MAPK9: variants seen among roughly 807,000 people sequenced by gnomAD.
MAPK9 encodes the protein mitogen-activated protein kinase 9.
MAPK9 carries 30 observed loss-of-function variants against 57.1 expected under a neutral mutation model. The observed-to-expected ratio is 0.53, with a 90% CI of 0.39 to 0.71. The LOEUF (loss-of-function observed/expected upper bound fraction) is 0.71, where lower values mean the gene tolerates loss of function less well. Ranked by LOEUF, MAPK9 falls within the 30% of genes least tolerant of loss-of-function variation. MAPK9 has a pLI of 0.00. For synonymous variants in MAPK9, 155 were observed against 177.0 expected (o/e 0.88, Z 0.99); for missense variants, 362 against 521.0 (o/e 0.69, Z 2.97).
intron 6 of MAPK9, among the ~76,000 whole-genome samples, chr5:180,248,520 A>G (rs1758346218): frequency 6.6e-6 from 1 of 152,208 alleles, no homozygotes; most frequent in Admixed American, 6.5e-5. Context: ...CCAATTTTAC[A>G]TGAAAACATG....
At chr5:180,254,336 C>A (rs1357305114) in intron 5 of MAPK9, among the ~76,000 whole-genome samples, 2 of 152,106 alleles carry the variant, frequency 1.3e-5, no homozygotes, top group Non-Finnish European at 2.9e-5. Context: ...AGGGAGGGAC[C>A]TAACACACTA....
intron 1 of MAPK9, among the ~76,000 whole-genome samples, chr5:180,285,888 C>T (rs1435198079): frequency 6.6e-6 from 1 of 151,716 alleles, no homozygotes; most frequent in African/African-American, 2.4e-5. Flanking sequence ...ACCATCCTGG[C>T]TAACATGGTG....
chr5:180,248,577 C>T (rs536136896), intron 6 of MAPK9, among the ~76,000 whole-genome samples: 30 of 152,100 alleles, frequency 2.0e-4, no homozygotes, highest in Non-Finnish European at 4.0e-4. Flanking sequence ...TGCAGACCAA[C>T]AAATAAAGCT....
intron 5 of MAPK9, among the ~76,000 whole-genome samples, chr5:180,249,519 C>T (rs1758455858): frequency 2.4e-5 from 1 of 42,340 alleles, no homozygotes; most frequent in African/African-American, 9.3e-5. Flanking sequence ...GGTCCTCATG[C>T]TGTCAGTCCA....
chr5:180,267,501 G>A (rs1330725653), intron 3 of MAPK9, among the ~76,000 whole-genome samples: 1 of 146,674 alleles, frequency 6.8e-6, no homozygotes, highest in Non-Finnish European at 1.5e-5. Context: ...GGCGGAGCTT[G>A]CAGTGAGCTG....
intron 2 of MAPK9, chr5:180,279,880 G>A (rs1487001641): frequency 1.8e-5 from 8 of 456,488 alleles, no homozygotes; most frequent in East Asian, 7.0e-5. Context: ...CGATTCTGAC[G>A]TTCTGGGCTG....
intron 5 of MAPK9, among the ~76,000 whole-genome samples, chr5:180,260,075 T>C (rs1305237213): frequency 1.3e-5 from 2 of 152,238 alleles, no homozygotes. Flanking sequence ...ATGGAACTCT[T>C]CCATTTCCCT....
At chr5:180,267,561 C>CAAA (rs34776289) in intron 3 of MAPK9, among the ~76,000 whole-genome samples, 3 of 89,852 alleles carry the variant, frequency 3.3e-5, no homozygotes, top group Non-Finnish European at 6.4e-5. Flanking sequence ...GACTCCGTCT[C>CAAA]AAAAAAAAAA....
intron 10 of MAPK9, among the ~76,000 whole-genome samples, chr5:180,238,608 C>CTTTTTTTTTTTTTTT (rs746336177): frequency 1.2e-4 from 10 of 85,168 alleles, no homozygotes; most frequent in Admixed American, 2.3e-4. Context: ...TCTTCTTCTT[C>CTTTTTTTTTTTTTTT]TTTTTTTTTT....
Position 180,236,253 on chromosome 5 carries a change from A to G in MAPK9, c.*131T>C. 2 of 1,014,954 alleles carry G rather than the reference A, an allele frequency of 2.0e-6. No individual in the cohort carries two copies. Among genetic ancestry groups the G allele is most frequent in the Non-Finnish European group, 2.7e-6 (2 of 731,976 alleles). 62.9% of individuals were successfully genotyped at this position (1,014,954 alleles called of 1,614,324 possible). ...GCAGGCAATCCTATCAGGTCTGAGT[A>G]GGGCAAGGCATTGTGTTTCTTACAT... On this transcript the variant is annotated 3_prime_UTR_variant, in exon 12 of 12. Coordinates refer to ENST00000452135, the MANE Select transcript of MAPK9 (RefSeq NM_002752.5).
chr5:180,275,482 C>A (rs989246624), intron 2 of MAPK9, among the ~76,000 whole-genome samples: 2 of 152,180 alleles, frequency 1.3e-5, no homozygotes, highest in Non-Finnish European at 2.9e-5. Flanking sequence ...ACTCTCATCC[C>A]TGTCTCCTAG....
chr5:180,267,549 G>A lies in MAPK9; in HGVS notation c.252+1731C>T, dbSNP rs183134610. 4.9e-4 allele frequency among the ~76,000 whole-genome samples: 65 copies of A among 131,768 alleles called. No individual in the cohort carries two copies. In the South Asian group the frequency reaches 7.1e-3, roughly 14 times the overall value. 86.4% of individuals were successfully genotyped at this position (131,768 alleles called of 152,430 possible). ...TGCCCTCCAGGTTGGGCGACAGAGCGAGACTCCGTCTCAAAAAAAAAAAAA... is the reference window on the plus strand; with the variant it reads ...TGCCCTCCAGGTTGGGCGACAGAGCAAGACTCCGTCTCAAAAAAAAAAAAA... On this transcript the variant is annotated intron_variant, in intron 3 of 11. Coordinates refer to ENST00000452135, the MANE Select transcript of MAPK9 (RefSeq NM_002752.5).
chr5:180,247,655 T>C lies in MAPK9; in HGVS notation c.617-145A>G, dbSNP rs1464301634. On this transcript the variant is annotated intron_variant, in intron 6 of 11. Coordinates refer to ENST00000452135, the MANE Select transcript of MAPK9 (RefSeq NM_002752.5). The surrounding 1 kb of genome is among the most constrained non-coding windows in gnomAD (Gnocchi z 4.5). Reference sequence around the variant, plus strand: ...GTGACATTTTACACAATATGAATGATTGCTGACCTCTATTTTAGCCTTCGG... The same window carrying C: ...GTGACATTTTACACAATATGAATGACTGCTGACCTCTATTTTAGCCTTCGG... 3.2e-6 allele frequency: 3 copies of C among 940,636 alleles called. No individual in the cohort carries two copies. Among genetic ancestry groups the C allele is most frequent in the African/African-American group, 3.3e-5 (2 of 61,374 alleles). 58.3% of individuals were successfully genotyped at this position (940,636 alleles called of 1,614,324 possible).
At chr5:180,289,686 T>C (rs1178852709) in intron 1 of MAPK9, among the ~76,000 whole-genome samples, 1 of 152,146 alleles carries the variant, frequency 6.6e-6, no homozygotes, top group African/African-American at 2.4e-5. Context: ...TCCCCTGGCC[T>C]TAGGCTACCT....
At chr5:180,261,091 C>T (rs1051270429) in intron 5 of MAPK9, among the ~76,000 whole-genome samples, 1 of 152,208 alleles carries the variant, frequency 6.6e-6, no homozygotes, top group African/African-American at 2.4e-5. Context: ...TACAGTCACA[C>T]TGTTATTCAA....
intron 9 of MAPK9, 93 bp from the exon 10 acceptor site, chr5:180,240,080 T>C: frequency 1.2e-6 from 1 of 859,616 alleles, no homozygotes; most frequent in South Asian, 1.4e-5. Flanking sequence ...ACTTCTAGTC[T>C]ATTTATGATA....
At position 180,239,997 on chromosome 5, in the gene MAPK9, A is replaced by C. The variant is rs1457685741; in HGVS notation, c.997-10T>G. The C allele has an allele frequency of 6.2e-6, 10 of 1,610,274 alleles. No individual in the cohort carries two copies. Among genetic ancestry groups the C allele is most frequent in the Non-Finnish European group, 8.5e-6 (10 of 1,177,734 alleles). The stretch of plus-strand genomic sequence containing the variant: ...AAATTTGAGGTGGTGGCTAAAAATT[A>C]AATCATATGTAAAGTCAACAGTAAT... On this transcript the variant is annotated splice_polypyrimidine_tract_variant and intron_variant, in intron 9 of 11. Coordinates refer to ENST00000452135, the MANE Select transcript of MAPK9 (RefSeq NM_002752.5).
intron 1 of MAPK9, among the ~76,000 whole-genome samples, chr5:180,287,435 G>C (rs1762872073): frequency 6.6e-6 from 1 of 152,284 alleles, no homozygotes; most frequent in East Asian, 1.9e-4. Context: ...AGAGAGATTT[G>C]TTGAAAGTGT....
chr5:180,270,004 T>C (rs1393630488), intron 2 of MAPK9, among the ~76,000 whole-genome samples: 2 of 152,242 alleles, frequency 1.3e-5, no homozygotes, highest in African/African-American at 4.8e-5. Flanking sequence ...CCTACTACTA[T>C]AGTAAGAATA....
Sources: allele counts gnomAD v4.1 joint callset (sites outside exome capture counted in the v4.1 genomes callset), GRCh38; gene constraint gnomAD v4.1.1; non-coding constraint Gnocchi (gnomAD v3.1); transcripts MANE v1.5; gene names NCBI Gene and HGNC (gene_info 2026-07-23, HGNC 2026-07-21).